Variants in ZNF722 observed in about 807,000 individuals in gnomAD.
The protein encoded by ZNF722 is zinc finger protein 479 pseudogene.
the ZNF722 span, chr7:64,005,483 C>A: frequency 1.9e-6 from 1 of 532,752 alleles, no homozygotes; most frequent in Non-Finnish European, 3.4e-6. Context: ...TAATTTTAGT[C>A]AGTCTTATAA....
the ZNF722 span, chr7:64,016,039 A>G: frequency 4.1e-6 from 3 of 731,142 alleles, no homozygotes; most frequent in Non-Finnish European, 6.3e-6. Context: ...TTAATAGAAA[A>G]TAAGAGAATC....
the ZNF722 span, among the ~76,000 whole-genome samples, chr7:64,013,470 G>A: frequency 2.0e-5 from 3 of 151,302 alleles, no homozygotes; most frequent in Non-Finnish European, 4.4e-5. Context: ...TGCTACATTA[G>A]AGATTTTATA....
chr7:64,002,629 AAC>A, the ZNF722 span, among the ~76,000 whole-genome samples: 3 of 152,228 alleles, frequency 2.0e-5, no homozygotes, highest in African/African-American at 4.8e-5. Context: ...AAAATTATTC[AAC>A]ACTTAGTAGC....
At chr7:64,010,549 G>A in the ZNF722 span, among the ~76,000 whole-genome samples, 6 of 152,224 alleles carry the variant, frequency 3.9e-5, no homozygotes, top group South Asian at 4.2e-4. Flanking sequence ...GTAGTTGAGC[G>A]GTTTTGAGTG....
the ZNF722 span, chr7:64,015,463 G>T: frequency 3.5e-5 from 57 of 1,610,906 alleles, no homozygotes; most frequent in Non-Finnish European, 2.4e-5. Context: ...ACACATAAAA[G>T]AATTCATACT....
the ZNF722 span, among the ~76,000 whole-genome samples, chr7:64,003,093 A>G: frequency 6.6e-6 from 1 of 152,194 alleles, no homozygotes; most frequent in Non-Finnish European, 1.5e-5. Context: ...GAGGGGTTCA[A>G]GATACATTCA....
the ZNF722 span, among the ~76,000 whole-genome samples, chr7:64,017,575 C>T: frequency 1.3e-5 from 2 of 152,164 alleles, no homozygotes; most frequent in East Asian, 3.8e-4. Context: ...AGCAGATGCT[C>T]AAACTTTGTG....
the ZNF722 span, among the ~76,000 whole-genome samples, chr7:64,012,156 C>G: frequency 1.3e-5 from 2 of 152,138 alleles, no homozygotes; most frequent in South Asian, 4.1e-4. Flanking sequence ...ACTGTTTATT[C>G]TAGTTAGCCA....
At chr7:64,000,417 G>A in the ZNF722 span, among the ~76,000 whole-genome samples, 8 of 122,064 alleles carry the variant, frequency 6.6e-5, no homozygotes, top group Non-Finnish European at 1.3e-4. Flanking sequence ...GATTACAGGC[G>A]TGAGCCACCA....
chr7:64,015,415 A>G, the ZNF722 span: 2 of 1,571,954 alleles, frequency 1.3e-6, no homozygotes, highest in South Asian at 2.2e-5. Flanking sequence ...AAATGTGAAG[A>G]ATGCGGCAAA....
the ZNF722 span, among the ~76,000 whole-genome samples, chr7:64,002,300 T>C: frequency 6.6e-6 from 1 of 152,198 alleles, no homozygotes; most frequent in Non-Finnish European, 1.5e-5. Context: ...ATTGTAACAA[T>C]AGATTTTTAA....
the ZNF722 span, among the ~76,000 whole-genome samples, chr7:64,004,320 A>C: frequency 6.7e-6 from 1 of 148,874 alleles, no homozygotes; most frequent in Non-Finnish European, 1.5e-5. Context: ...GAGGCAGGAG[A>C]ATTGCTTGAA....
the ZNF722 span, chr7:64,015,249 T>G: frequency 3.3e-6 from 4 of 1,198,554 alleles, no homozygotes; most frequent in East Asian, 9.3e-5. Context: ...GACTCATAAG[T>G]GTGTCATAGT....
At chr7:64,016,056 G>A in the ZNF722 span, 1 of 641,376 alleles carries the variant, frequency 1.6e-6, no homozygotes, top group East Asian at 2.9e-5. Context: ...AATCCATATT[G>A]GACAAAAATT....
chr7:64,006,695 A>G, the ZNF722 span, among the ~76,000 whole-genome samples: 1 of 152,124 alleles, frequency 6.6e-6, no homozygotes, highest in Non-Finnish European at 1.5e-5. Flanking sequence ...CATGTCTAAA[A>G]TGTGTGAGAA....
the ZNF722 span, chr7:64,016,068 TA>T: frequency 1.7e-6 from 1 of 600,360 alleles, no homozygotes; most frequent in Non-Finnish European, 2.8e-6. Flanking sequence ...ACAAAAATTT[TA>T]TAAATGTAAA....
chr7:64,001,754 T>C, the ZNF722 span, among the ~76,000 whole-genome samples: 86 of 152,220 alleles, frequency 5.6e-4, no homozygotes, highest in Non-Finnish European at 1.0e-3. Flanking sequence ...TCTGGTTTTT[T>C]GTTTGTTTAT....
chr7:64,002,489 C>T, the ZNF722 span, among the ~76,000 whole-genome samples: 1 of 152,074 alleles, frequency 6.6e-6, no homozygotes, highest in South Asian at 2.1e-4. Context: ...GCTGATTATT[C>T]AATTTTTATG....
the ZNF722 span, among the ~76,000 whole-genome samples, chr7:64,012,672 G>A: frequency 6.6e-6 from 1 of 152,160 alleles, no homozygotes; most frequent in East Asian, 1.9e-4. Flanking sequence ...GTGCAAATAA[G>A]AATATTGTGT....
Sources: allele counts gnomAD v4.1 joint callset (sites outside exome capture counted in the v4.1 genomes callset), GRCh38; gene constraint gnomAD v4.1.1; transcripts MANE v1.5; gene names NCBI Gene and HGNC (gene_info 2026-07-23, HGNC 2026-07-21).